The following SKI variants were observed in gnomAD, a reference collection of about 807,000 sequenced individuals.
The protein encoded by SKI is ski oncogene.
Under a neutral mutation model 59.3 loss-of-function variants are expected in SKI, and 23 were observed. That is an observed-to-expected ratio of 0.39 (90% CI 0.28 to 0.55). The LOEUF (loss-of-function observed/expected upper bound fraction) is 0.55, where lower values mean the gene tolerates loss of function less well. Ranked by LOEUF, SKI falls within the 20% of genes least tolerant of loss-of-function variation. The pLI, the probability that SKI is intolerant of heterozygous loss-of-function variation, is 0.67. For synonymous variants in SKI, 673 were observed against 488.6 expected (o/e 1.38, Z -4.98); for missense variants, 1,017 against 1,038.9 (o/e 0.98, Z 0.29).
In SKI at chr1:2,293,734, C is replaced by T. The variant is rs188449221; in HGVS notation, c.970-9244C>T. 3.2e-4 allele frequency among the ~76,000 whole-genome samples: 49 copies of T among 152,312 alleles called. No homozygotes were observed. In the East Asian group the frequency reaches 9.1e-3, roughly 28 times the overall value. Reference sequence around the variant, plus strand: ...CTGTCTGGGATCCCCGTGCAAGGCCCCTGGGTCTGGTGGCTGCTGCCCGGC... The same window carrying T: ...CTGTCTGGGATCCCCGTGCAAGGCCTCTGGGTCTGGTGGCTGCTGCCCGGC... On this transcript the variant is annotated intron_variant, in intron 1 of 6. Transcript: ENST00000378536.
In SKI at chr1:2,306,762, G is replaced by T; in HGVS notation, c.2184G>T (p.Pro728=). 1.3e-6 allele frequency: 2 copies of T among 1,513,468 alleles called. No homozygotes were observed. The highest frequency in any genetic ancestry group is 1.8e-6 in the Non-Finnish European group (2 of 1,134,536). 93.8% of individuals were successfully genotyped at this position (1,513,468 alleles called of 1,614,324 possible). Residue 728 remains proline, a synonymous_variant, in exon 7 of 7, where the codon CCG becomes CCT. Coordinates refer to ENST00000378536, the MANE Select transcript of SKI (RefSeq NM_003036.4). The part of the protein sequence containing the change: ...AGSEGAAELE[P] ...GCGAGGGCGCTGCGGAGCTGGAGCC[G>T]TAGATTCCGTGCCTGCCGCCGCAGC...
In SKI at chr1:2,228,802, G is replaced by T. The variant is rs1372935125; in HGVS notation, c.36G>T (p.Gln12His). The T allele has an allele frequency of 3.0e-6, 4 of 1,339,142 alleles. No homozygotes were observed. Among genetic ancestry groups the T allele is most frequent in the African/African-American group, 1.5e-5 (1 of 65,388 alleles). 83.0% of individuals were successfully genotyped at this position (1,339,142 alleles called of 1,614,324 possible). A position where few individuals can be genotyped will look rare whatever the true frequency, so the allele number is the denominator to read the frequency against. ...EAAAGGRGCF[Q>H]PHPGLQKTLE... is the part of the protein sequence containing the mutation. The stretch of plus-strand genomic sequence containing the variant: ...CGGCAGGCGGCCGCGGCTGTTTCCA[G>T]CCGCACCCGGGGCTGCAGAAGACGC... The change falls in exon 1 of 7, where the codon CAG (glutamine) becomes CAT (histidine). Residue 12 changes from glutamine to histidine, a missense_variant. Gln to His is a conservative substitution (Grantham distance 24, BLOSUM62 0). Transcript: ENST00000378536.
intron 1 of SKI, among the ~76,000 whole-genome samples, chr1:2,282,903 T>A (rs930315887): frequency 2.6e-5 from 4 of 152,224 alleles, no homozygotes; most frequent in East Asian, 3.9e-4. Flanking sequence ...GAGCTCCTCC[T>A]GTGCCCTAAG....
intron 1 of SKI, among the ~76,000 whole-genome samples, chr1:2,294,003 C>T (rs1354840032): frequency 6.6e-6 from 1 of 152,202 alleles, no homozygotes; most frequent in African/African-American, 2.4e-5. Flanking sequence ...GCCTCGGAGG[C>T]TCCCCATGTT....
At chr1:2,249,265 G>A (rs1639067052) in intron 1 of SKI, among the ~76,000 whole-genome samples, 1 of 152,240 alleles carries the variant, frequency 6.6e-6, no homozygotes, top group Non-Finnish European at 1.5e-5. Context: ...ATTCGTGGAG[G>A]TGCTGGGGGA....
chr1:2,231,140 C>T lies in SKI; in HGVS notation c.969+1405C>T, dbSNP rs1056823746. Among the ~76,000 whole-genome samples the T allele has an allele frequency of 4.5e-4, 68 of 152,062 alleles. 1 individual carries two copies. Among genetic ancestry groups the T allele is most frequent in the Middle Eastern group, 3.2e-3 (1 of 316 alleles). ...CACGGGGAGTTGGTTGGGGTGGGCC[C>T]GATGGCGCTCCCTGTGGGCTGGGGC... is the stretch of plus-strand genomic sequence containing the variant. On this transcript the variant is annotated intron_variant, in intron 1 of 6. Coordinates refer to ENST00000378536, the MANE Select transcript of SKI (RefSeq NM_003036.4).
chr1:2,261,473 C>T lies in SKI; in HGVS notation c.969+31738C>T, dbSNP rs80257842. ...TTTTTAGTGCACAGGTTTTTACCAT[C>T]TTTTGTCAGATTTATTGATTTATCT... On this transcript the variant is annotated intron_variant, in intron 1 of 6. Coordinates refer to ENST00000378536, the MANE Select transcript of SKI (RefSeq NM_003036.4). Among the ~76,000 whole-genome samples, 3 of 152,308 alleles carry T rather than the reference C, an allele frequency of 2.0e-5. No individual in the cohort carries two copies. In the East Asian group the frequency reaches 5.8e-4, roughly 29 times the overall value.
intron 1 of SKI, among the ~76,000 whole-genome samples, chr1:2,293,917 C>T (rs755759774): frequency 2.0e-5 from 3 of 152,256 alleles, no homozygotes; most frequent in Admixed American, 1.3e-4. Context: ...GTCACCGCGC[C>T]ACCATGGGGG....
At chr1:2,251,972 G>A (rs1335718295) in intron 1 of SKI, among the ~76,000 whole-genome samples, 1 of 152,086 alleles carries the variant, frequency 6.6e-6, no homozygotes, top group East Asian at 1.9e-4. Context: ...ACATTTCACT[G>A]TTCCTGGCAG....
rs1640474008 is a variant in SKI, at chr1:2,303,303, C to G, written c.1114C>G (p.Pro372Ala). Reference sequence around the variant, plus strand: ...TCGACAGAGCCTGGGCTGTGTTCACCCTCGCCAGCGCCTCTCTGCTTTCCG... The same window carrying G: ...TCGACAGAGCCTGGGCTGTGTTCACGCTCGCCAGCGCCTCTCTGCTTTCCG... ...SSNKSLGCVH[P>A]RQRLSAFRPW... Residue 372 changes from proline (P) to alanine (A), a missense_variant, in exon 3 of 7, where the codon CCT (proline) becomes GCT (alanine). By Grantham distance (27) the Pro-to-Ala change is conservative. Coordinates refer to ENST00000378536, the MANE Select transcript of SKI (RefSeq NM_003036.4). This position sits in a 1 kb window ranked among gnomAD's most constrained non-coding sequence, Gnocchi z 5.6. The G allele has an allele frequency of 1.2e-6, 2 of 1,613,744 alleles. No homozygotes were observed. The highest frequency in any genetic ancestry group is 1.7e-6 in the Non-Finnish European group (2 of 1,180,018).
In SKI at chr1:2,269,144, G is replaced by A. The variant is rs1557830414; in HGVS notation, c.970-33834G>A. On this transcript the variant is annotated intron_variant, in intron 1 of 6. Coordinates refer to ENST00000378536, the MANE Select transcript of SKI (RefSeq NM_003036.4). This position sits in a 1 kb window ranked among gnomAD's most constrained non-coding sequence, Gnocchi z 4.7. Reference sequence around the variant, plus strand: ...ATTTTTTGGGTAGAGATGGGGTCTCGCCATGTTGTCCAGGCTGGTCTAGAA... The same window carrying A: ...ATTTTTTGGGTAGAGATGGGGTCTCACCATGTTGTCCAGGCTGGTCTAGAA... Among the ~76,000 whole-genome samples, 1 of 152,064 alleles carries A rather than the reference G, an allele frequency of 6.6e-6. No homozygotes were observed. The highest frequency in any genetic ancestry group is 2.1e-4 in the South Asian group (1 of 4,816).
rs1040538892 is a variant in SKI, at chr1:2,229,862, G to C, written c.969+127G>C. 1 of 1,493,956 alleles carries C rather than the reference G, an allele frequency of 6.7e-7. No homozygotes were observed. The highest frequency in any genetic ancestry group is 2.1e-5 in the Admixed American group (1 of 46,574). 92.5% of individuals were successfully genotyped at this position (1,493,956 alleles called of 1,614,324 possible). ...GCCGTGCCCCATGTCTCCAGTCTTC[G>C]CTTTGTTTTAGGGAAATTCAGAGTG... On this transcript the variant is annotated intron_variant, in intron 1 of 6. Transcript: ENST00000378536. The surrounding 1 kb of genome is among the most constrained non-coding windows in gnomAD (Gnocchi z 6.3).
intron 1 of SKI, among the ~76,000 whole-genome samples, chr1:2,282,769 C>A (rs991380031): frequency 6.6e-6 from 1 of 152,158 alleles, no homozygotes; most frequent in Non-Finnish European, 1.5e-5. Flanking sequence ...TCCAGGGACA[C>A]CGGCTCTCGG....
intron 1 of SKI, among the ~76,000 whole-genome samples, chr1:2,242,186 T>C (rs1229179369): frequency 1.3e-5 from 2 of 152,236 alleles, no homozygotes; most frequent in Non-Finnish European, 2.9e-5. Context: ...CAGCCGCTAG[T>C]GGTGAACCTC....
At chr1:2,302,859 C>G in intron 1 of SKI, 119 bp from the exon 2 acceptor site, 1 of 1,371,774 alleles carries the variant, frequency 7.3e-7, no homozygotes, top group African/African-American at 1.4e-5. Flanking sequence ...CTGCGCCACT[C>G]AGGGTCGTTT....
At chr1:2,245,788 CTTTTTTTTTTTTTTT>C (rs766445644) in intron 1 of SKI, among the ~76,000 whole-genome samples, 3 of 70,366 alleles carry the variant, frequency 4.3e-5, no homozygotes, top group Non-Finnish European at 7.6e-5. Flanking sequence ...ATTTTTCCTT[CTTTTTTTTTTTTTTT>C]TTTTTTTTTT....
intron 1 of SKI, among the ~76,000 whole-genome samples, chr1:2,250,330 C>G (rs1639116728): frequency 6.6e-6 from 1 of 152,210 alleles, no homozygotes; most frequent in Non-Finnish European, 1.5e-5. Flanking sequence ...CGTCCCAGAA[C>G]CCGCTGTCCG....
intron 1 of SKI, among the ~76,000 whole-genome samples, chr1:2,275,812 C>T (rs1314043639): frequency 3.3e-5 from 5 of 152,284 alleles, no homozygotes; most frequent in East Asian, 3.9e-4. Context: ...CACTGGCCAG[C>T]GTTTATCTTT....
chr1:2,270,047 C>T lies in SKI; in HGVS notation c.970-32931C>T, dbSNP rs1357792916. Among the ~76,000 whole-genome samples, 1 of 152,148 alleles carries T rather than the reference C, an allele frequency of 6.6e-6. No homozygotes were observed. Among genetic ancestry groups the T allele is most frequent in the East Asian group, 1.9e-4 (1 of 5,172 alleles). ...GCGGGTCTGGCATGTTTGGTGGTGC[C>T]TGCCATCAGGCTGCCGATGGATGAG... On this transcript the variant is annotated intron_variant, in intron 1 of 6. Transcript: ENST00000378536. The surrounding 1 kb of genome is among the most constrained non-coding windows in gnomAD (Gnocchi z 4.1).
Sources: gnomAD v4.1 joint callset for allele counts (sites outside exome capture counted in the v4.1 genomes callset) on GRCh38, gnomAD v4.1.1 for gene constraint, Gnocchi (gnomAD v3.1) non-coding constraint, MANE v1.5 for transcripts, NCBI Gene and HGNC (gene_info 2026-07-23, HGNC 2026-07-21) for gene names.